The following DOCK9 variants were observed in gnomAD, a reference collection of about 807,000 sequenced individuals.
DOCK9 encodes dedicator of cytokinesis protein 9.
Under a neutral mutation model 263.3 loss-of-function variants are expected in DOCK9, and 89 were observed. The observed-to-expected ratio is 0.34, with a 90% CI of 0.28 to 0.40. DOCK9 has a LOEUF of 0.40. DOCK9 is among the 10% of genes least tolerant of loss of function. The pLI, the probability that DOCK9 is intolerant of heterozygous loss-of-function variation, is 1.00. For missense variants in DOCK9, 2,140 were observed against 2,603.4 expected (o/e 0.82, Z 3.87); for synonymous variants, 976 against 973.1 (o/e 1.00, Z -0.06).
intron 1 of DOCK9, among the ~76,000 whole-genome samples, chr13:98,986,806 T>C (rs1567174078): frequency 6.6e-6 from 1 of 152,196 alleles, no homozygotes; most frequent in Non-Finnish European, 1.5e-5. Context: ...AGTCAAACTT[T>C]TCCCCCTGGG....
intron 1 of DOCK9, among the ~76,000 whole-genome samples, chr13:99,031,547 G>A (rs1887345142): frequency 6.6e-6 from 1 of 152,286 alleles, no homozygotes; most frequent in South Asian, 2.1e-4. Context: ...TAGTTACATT[G>A]GTTCCTTAAT....
chr13:99,038,287 CCTT>C (rs1888105730), intron 1 of DOCK9, among the ~76,000 whole-genome samples: 1 of 48,836 alleles, frequency 2.0e-5, no homozygotes, highest in African/African-American at 7.5e-5. Context: ...TTTATGCCCC[CCTT>C]TTTTTTTTTT....
chr13:98,843,268 G>T (rs1360845825), intron 38 of DOCK9, among the ~76,000 whole-genome samples: 1 of 152,084 alleles, frequency 6.6e-6, no homozygotes, highest in Non-Finnish European at 1.5e-5. Context: ...AGAAGGTATT[G>T]TATTTGTTGT....
chr13:99,002,811 C>G (rs578021597), intron 1 of DOCK9, among the ~76,000 whole-genome samples: 5 of 151,878 alleles, frequency 3.3e-5, no homozygotes, highest in Non-Finnish European at 7.4e-5. Context: ...AACTAAGTGA[C>G]AGGTTTGAAT....
chr13:98,980,193 C>T (rs1416449650), upstream of DOCK9, among the ~76,000 whole-genome samples: 1 of 152,176 alleles, frequency 6.6e-6, no homozygotes, highest in Admixed American at 6.5e-5. Flanking sequence ...TCAGCCTACC[C>T]TATTTGTTGG....
intron 1 of DOCK9, among the ~76,000 whole-genome samples, chr13:98,990,920 G>T (rs1434997340): frequency 6.6e-6 from 1 of 152,166 alleles, no homozygotes; most frequent in Non-Finnish European, 1.5e-5. Context: ...ATTCATTAAT[G>T]GATGGATTCA....
chr13:98,853,383 C>T (rs1240417614), intron 35 of DOCK9, 25 bp downstream of exon 35: 1 of 1,508,960 alleles, frequency 6.6e-7, no homozygotes, highest in Non-Finnish European at 9.1e-7. Context: ...ACGAGCAAAA[C>T]AGAAATCTCC....
intron 1 of DOCK9, among the ~76,000 whole-genome samples, chr13:99,005,354 A>C (rs892763495): frequency 3.9e-5 from 6 of 152,178 alleles, no homozygotes; most frequent in Admixed American, 3.9e-4. Context: ...AAATTATAGA[A>C]TTTATGTCTC....
intron 30 of DOCK9, among the ~76,000 whole-genome samples, chr13:98,866,625 C>A (rs997294121): frequency 1.3e-5 from 2 of 152,162 alleles, no homozygotes; most frequent in African/African-American, 4.8e-5. Context: ...AAAGACATCC[C>A]TATGAGCTCA....
intron 7 of DOCK9, among the ~76,000 whole-genome samples, chr13:98,920,047 GGATGGACAGAT>G (rs1200335076): frequency 6.6e-6 from 1 of 152,158 alleles, no homozygotes; most frequent in Non-Finnish European, 1.5e-5. Context: ...ATGGATGGAT[GGATGGACAGAT>G]GATGGACAGG....
At chr13:98,847,263 G>A (rs1265872501) in intron 37 of DOCK9, 3 of 152,668 alleles carry the variant, frequency 2.0e-5, no homozygotes, top group Non-Finnish European at 4.4e-5. Context: ...GCCCAGCACA[G>A]TGCCTTTCTG....
Position 98,985,481 on chromosome 13 carries a change from C to G in DOCK9, c.130-29930G>C, listed in dbSNP as rs1435802475. ...TGCTGTGTTCCCAGGTCCTAAAACACTACAGGTGCTGAGAAAATATACATT... is the reference window on the plus strand; with the variant it reads ...TGCTGTGTTCCCAGGTCCTAAAACAGTACAGGTGCTGAGAAAATATACATT... On this transcript the variant is annotated intron_variant, in intron 1 of 32. Transcript: ENST00000427887. Among the ~76,000 whole-genome samples the G allele has an allele frequency of 3.3e-5, 5 of 152,182 alleles. No individual in the cohort carries two copies. In the South Asian group the frequency reaches 1.0e-3, roughly 32 times the overall value.
At chr13:98,855,020 C>A (rs1594708124) in intron 34 of DOCK9, among the ~76,000 whole-genome samples, 2 of 152,200 alleles carry the variant, frequency 1.3e-5, no homozygotes, top group Admixed American at 1.3e-4. Context: ...CAAAGTGATA[C>A]CAATCTACCA....
intron 27 of DOCK9, among the ~76,000 whole-genome samples, chr13:98,873,117 G>A (rs1594853676): frequency 6.6e-6 from 1 of 152,072 alleles, no homozygotes; most frequent in Non-Finnish European, 1.5e-5. Flanking sequence ...TTAACCTTGG[G>A]TCACACATGT....
intron 26 of DOCK9, 65 bp from the exon 27 acceptor site, chr13:98,880,034 C>G: frequency 8.1e-7 from 1 of 1,230,734 alleles, no homozygotes; most frequent in Non-Finnish European, 1.1e-6. Flanking sequence ...CATGAACTCT[C>G]TCAGGCTGAC....
At chr13:98,995,978 A>G (rs912687) in intron 1 of DOCK9, among the ~76,000 whole-genome samples, 83,132 of 152,004 alleles carry the variant, frequency 0.55, 23,006 homozygotes, top group South Asian at 0.68. Context: ...CGATGAGCCC[A>G]GTAGGGTAAG....
At chr13:98,823,393 T>C (rs2092382222) in intron 45 of DOCK9, among the ~76,000 whole-genome samples, 7 of 152,304 alleles carry the variant, frequency 4.6e-5, no homozygotes, top group Middle Eastern at 3.4e-3. Context: ...AGGATGTGTG[T>C]TCAAGGGCCT....
chr13:98,925,757 T>G, intron 4 of DOCK9, 80 bp downstream of exon 4: 1 of 909,636 alleles, frequency 1.1e-6, no homozygotes, highest in Non-Finnish European at 1.6e-6. Context: ...TTACTCTGAT[T>G]GCATATGAAG....
At chr13:99,053,405 T>C (rs1006540690) in intron 1 of DOCK9, among the ~76,000 whole-genome samples, 1 of 152,214 alleles carries the variant, frequency 6.6e-6, no homozygotes, top group Non-Finnish European at 1.5e-5. Flanking sequence ...TAATACATAT[T>C]TCTAAAATAG....
Sources: gnomAD v4.1 joint callset for allele counts (sites outside exome capture counted in the v4.1 genomes callset) on GRCh38, gnomAD v4.1.1 for gene constraint, MANE v1.5 for transcripts, NCBI Gene and HGNC (gene_info 2026-07-23, HGNC 2026-07-21) for gene names.